The following EPHB1 variants were observed in gnomAD, a reference collection of about 807,000 sequenced individuals.
The protein encoded by EPHB1 is ephrin type-B receptor 1.
A neutral mutation model predicts 94.4 loss-of-function variants in EPHB1; 30 were observed. The ratio of observed to expected loss-of-function variants is 0.32; its 90% confidence interval spans 0.24 to 0.43. EPHB1 has a LOEUF of 0.43. Ranked by LOEUF, EPHB1 falls within the 20% of genes least tolerant of loss-of-function variation. EPHB1 has a pLI of 1.00. For synonymous variants in EPHB1, 522 were observed against 489.1 expected (o/e 1.07, Z -0.89); for missense variants, 1,055 against 1,308.3 (o/e 0.81, Z 2.99).
intron 1 of EPHB1, among the ~76,000 whole-genome samples, chr3:134,858,380 G>GAC (rs2037171788): frequency 6.6e-6 from 1 of 152,138 alleles, no homozygotes; most frequent in African/African-American, 2.4e-5. Context: ...GGGCGTGTGG[G>GAC]TCTGCCATAG....
chr3:135,213,647 T>C (rs1943079493), intron 12 of EPHB1, among the ~76,000 whole-genome samples: 1 of 152,178 alleles, frequency 6.6e-6, no homozygotes. Flanking sequence ...CTGACATTGG[T>C]GGGCAGAGCT....
rs755012669 is a variant in EPHB1 at position 134,834,173 on chromosome 3, G to A, written c.58+38484G>A. On this transcript the variant is annotated intron_variant, in intron 1 of 15. Transcript: ENST00000398015. The stretch of plus-strand genomic sequence containing the variant: ...GATTTTGAAACTCCCTGGAATGCAA[G>A]CCCATAACAAGGACCTTGATCTGTT... Among the ~76,000 whole-genome samples the A allele has an allele frequency of 1.8e-4, 28 of 152,290 alleles. No homozygotes were observed. In the Middle Eastern group the frequency reaches 0.014, roughly 74 times the overall value.
chr3:134,813,667 CAAGCCAT>C (rs1180802814), intron 1 of EPHB1, among the ~76,000 whole-genome samples: 1 of 152,190 alleles, frequency 6.6e-6, no homozygotes, highest in Non-Finnish European at 1.5e-5. Context: ...TTGTTGCATT[CAAGCCAT>C]AGAGAATGCC....
Position 135,019,634 on chromosome 3 carries a change from T to C in EPHB1, c.805+67582T>C, listed in dbSNP as rs190272793. Among the ~76,000 whole-genome samples, 139 of 152,326 alleles carry C rather than the reference T, an allele frequency of 9.1e-4. 5 individuals are homozygous for C. The highest frequency in any genetic ancestry group is 4.4e-5 in the Non-Finnish European group (3 of 68,024). On this transcript the variant is annotated intron_variant, in intron 3 of 15. Transcript: ENST00000398015. ...ATTTTAGCATTGTGTGTGTATGGGA[T>C]CACATTGTAAGCAATTTTATATCCT...
At chr3:134,882,244 C>G (rs1441470231) in intron 1 of EPHB1, among the ~76,000 whole-genome samples, 9 of 152,106 alleles carry the variant, frequency 5.9e-5, no homozygotes, top group Admixed American at 5.9e-4. Flanking sequence ...GAGGAATGAA[C>G]TGAGAGGAAT....
intron 15 of EPHB1, among the ~76,000 whole-genome samples, chr3:135,257,527 TG>T (rs957560800): frequency 2.0e-5 from 3 of 152,054 alleles, no homozygotes; most frequent in Admixed American, 6.5e-5. Context: ...GTTAGGTTGC[TG>T]GGGGGGTCAG....
intron 12 of EPHB1, among the ~76,000 whole-genome samples, chr3:135,205,910 C>T (rs1418906500): frequency 6.6e-6 from 1 of 152,088 alleles, no homozygotes; most frequent in Admixed American, 6.5e-5. Context: ...ACTCACAAGT[C>T]TCAAGTGTAC....
chr3:134,811,096 A>C (rs2036165066), intron 1 of EPHB1, among the ~76,000 whole-genome samples: 1 of 151,840 alleles, frequency 6.6e-6, no homozygotes, highest in Non-Finnish European at 1.5e-5. Context: ...CCCTCTGCAC[A>C]GGTTAGCCTC....
chr3:134,858,652 G>T (rs1360392773), intron 1 of EPHB1, among the ~76,000 whole-genome samples: 1 of 152,196 alleles, frequency 6.6e-6, no homozygotes, highest in Non-Finnish European at 1.5e-5. Context: ...CTCTGCTCTG[G>T]AAAGGCTGCT....
At chr3:135,249,938 C>T (rs1932999044) in intron 15 of EPHB1, among the ~76,000 whole-genome samples, 1 of 152,210 alleles carries the variant, frequency 6.6e-6, no homozygotes, top group African/African-American at 2.4e-5. Flanking sequence ...TTTCCATCCC[C>T]CACAATTATT....
intron 9 of EPHB1, among the ~76,000 whole-genome samples, chr3:135,178,178 G>T (rs1055509113): frequency 6.6e-6 from 1 of 150,384 alleles, no homozygotes; most frequent in Non-Finnish European, 1.5e-5. Context: ...CTCAGGCCAG[G>T]CGTGGTGACT....
intron 1 of EPHB1, among the ~76,000 whole-genome samples, chr3:134,803,227 C>T (rs2035967893): frequency 6.6e-6 from 1 of 152,226 alleles, no homozygotes; most frequent in Non-Finnish European, 1.5e-5. Flanking sequence ...TCTCCCCTCC[C>T]ACTTCCTGGC....
intron 11 of EPHB1, among the ~76,000 whole-genome samples, chr3:135,201,128 T>G (rs562225484): frequency 6.6e-6 from 1 of 152,058 alleles, no homozygotes; most frequent in East Asian, 1.9e-4. Context: ...ATTTATGTCT[T>G]AAAAAGATGG....
At chr3:135,256,859 A>G (rs1480625501) in intron 15 of EPHB1, among the ~76,000 whole-genome samples, 1 of 150,942 alleles carries the variant, frequency 6.6e-6, no homozygotes, top group African/African-American at 2.4e-5. Flanking sequence ...TACACCAATC[A>G]GACGTAGATT....
intron 5 of EPHB1, among the ~76,000 whole-genome samples, chr3:135,135,908 C>A (rs1207436583): frequency 6.6e-6 from 1 of 152,168 alleles, no homozygotes; most frequent in Non-Finnish European, 1.5e-5. Context: ...ATAGTTAACA[C>A]CTCATGTTTG....
At chr3:135,197,937 T>C (rs1489476774) in intron 11 of EPHB1, among the ~76,000 whole-genome samples, 3 of 152,234 alleles carry the variant, frequency 2.0e-5, no homozygotes, top group African/African-American at 7.2e-5. Context: ...AGAAAAATCT[T>C]AATATGTTTT....
intron 15 of EPHB1, among the ~76,000 whole-genome samples, chr3:135,252,627 T>G (rs1353260031): frequency 6.9e-6 from 1 of 144,116 alleles, no homozygotes; most frequent in Non-Finnish European, 1.5e-5. Context: ...GTTGGACATG[T>G]GGGTTGGTTC....
intron 1 of EPHB1, among the ~76,000 whole-genome samples, chr3:134,795,970 C>G (rs780089223): frequency 3.0e-4 from 45 of 152,264 alleles, no homozygotes; most frequent in Non-Finnish European, 5.7e-4. Context: ...GCAGCCCCCG[C>G]TCGGAGAGCT....
chr3:134,981,905 AT>A (rs2107733778), intron 3 of EPHB1, among the ~76,000 whole-genome samples: 1 of 152,326 alleles, frequency 6.6e-6, no homozygotes, highest in East Asian at 1.9e-4. Flanking sequence ...GTGGAGCATA[AT>A]AATTATTAAT....
Sources: allele counts gnomAD v4.1 joint callset (sites outside exome capture counted in the v4.1 genomes callset), GRCh38; gene constraint gnomAD v4.1.1; transcripts MANE v1.5; gene names NCBI Gene and HGNC (gene_info 2026-07-23, HGNC 2026-07-21).